DPP6: variants seen among roughly 807,000 people sequenced by gnomAD.
DPP6 encodes the protein A-type potassium channel modulatory protein DPP6.
A neutral mutation model predicts 122.6 loss-of-function variants in DPP6; 69 were observed. The observed-to-expected ratio is 0.56, with a 90% CI of 0.46 to 0.69. DPP6 has a LOEUF of 0.69. Among genes scored for constraint, DPP6 ranks in the 30% least tolerant of loss-of-function variants. DPP6 has a pLI of 0.00. For missense variants in DPP6, 928 were observed against 1,116.9 expected (o/e 0.83, Z 2.41); for synonymous variants, 418 against 433.1 (o/e 0.97, Z 0.43).
At chr7:153,953,959 C>T (rs1802338923) in intron 1 of DPP6, among the ~76,000 whole-genome samples, 1 of 152,182 alleles carries the variant, frequency 6.6e-6, no homozygotes, top group South Asian at 2.1e-4. Flanking sequence ...GGCAGCACTC[C>T]TTCCTTCCCA....
intron 1 of DPP6, among the ~76,000 whole-genome samples, chr7:154,044,231 G>A (rs1314889223): frequency 6.6e-6 from 1 of 152,160 alleles, no homozygotes; most frequent in Admixed American, 6.5e-5. Flanking sequence ...GATTTGAAAT[G>A]CAATTAGTAG....
chr7:154,581,887 TCTC>T (rs1832096271), intron 5 of DPP6, among the ~76,000 whole-genome samples: 1 of 152,130 alleles, frequency 6.6e-6, no homozygotes. Flanking sequence ...CCACCTGCCT[TCTC>T]CTGCTGCTAG....
intron 1 of DPP6, among the ~76,000 whole-genome samples, chr7:154,144,747 G>A (rs181742680): frequency 5.6e-4 from 85 of 152,116 alleles, no homozygotes; most frequent in Non-Finnish European, 9.7e-4. Flanking sequence ...ATAAGGATGG[G>A]GCCCTAATCC....
rs764606803 is a variant in DPP6, at chr7:154,807,094, T to C, written c.1648T>C (p.Phe550Leu). The change falls in exon 16 of 26, where the codon TTC becomes CTC. Residue 550 changes from phenylalanine (F) to leucine (L), a missense_variant. Physicochemically the swap from Phe to Leu is conservative, Grantham distance 22. Transcript: ENST00000377770. ...TTCCTTCAGCCATAGCATGGACTTC[T>C]TCCTGCTCAAGTGCGAAGGTCAGCT... ...SASFSHSMDF[F>L]LLKCEGPGVP... The C allele has an allele frequency of 5.6e-6, 9 of 1,613,414 alleles. No individual in the cohort carries two copies. The highest frequency in any genetic ancestry group is 7.6e-6 in the Non-Finnish European group (9 of 1,179,840).
chr7:154,030,658 C>CT (rs1357608957), intron 1 of DPP6, among the ~76,000 whole-genome samples: 1 of 152,160 alleles, frequency 6.6e-6, no homozygotes, highest in Non-Finnish European at 1.5e-5. Context: ...GTCCACGTTC[C>CT]TTTCCCAGCT....
Position 154,320,792 on chromosome 7 carries a change from G to A in DPP6, c.244-125422G>A, listed in dbSNP as rs556016992. Among the ~76,000 whole-genome samples the A allele has an allele frequency of 3.3e-5, 5 of 152,088 alleles. No individual in the cohort carries two copies. The East Asian group carries it at 9.7e-4, about 30-fold the overall frequency. ...TGAGCCACTGTGCCCGGCCCCTATT[G>A]TACTTCTGTTTGAACTTATATTGGC... On this transcript the variant is annotated intron_variant, in intron 1 of 25. Transcript: ENST00000377770.
intron 3 of DPP6, among the ~76,000 whole-genome samples, chr7:154,511,999 C>T (rs1370820044): frequency 6.6e-6 from 1 of 152,052 alleles, no homozygotes; most frequent in African/African-American, 2.4e-5. Flanking sequence ...TCTTTATGGA[C>T]CTGAAGCCTA....
chr7:154,615,363 G>T (rs1834172656), intron 5 of DPP6, among the ~76,000 whole-genome samples: 1 of 152,160 alleles, frequency 6.6e-6, no homozygotes, highest in African/African-American at 2.4e-5. Flanking sequence ...CAGCCCTACA[G>T]ATTAGGAAAT....
intron 3 of DPP6, among the ~76,000 whole-genome samples, chr7:154,527,408 G>A (rs1827490437): frequency 6.6e-6 from 1 of 152,196 alleles, no homozygotes; most frequent in South Asian, 2.1e-4. Flanking sequence ...CTAGACTGCA[G>A]TGTGGATACT....
At chr7:154,633,634 A>G (rs531678854) in intron 5 of DPP6, among the ~76,000 whole-genome samples, 2 of 152,254 alleles carry the variant, frequency 1.3e-5, no homozygotes, top group East Asian at 1.9e-4. Flanking sequence ...TTTCAGTGAG[A>G]TGCAGCTTTC....
intron 8 of DPP6, among the ~76,000 whole-genome samples, chr7:154,750,748 A>G (rs1401401961): frequency 6.6e-6 from 1 of 152,224 alleles, no homozygotes; most frequent in Non-Finnish European, 1.5e-5. Context: ...TGCTGGAGCA[A>G]GCGTGGTCCC....
chr7:154,769,002 A>G (rs1796073935), intron 8 of DPP6, among the ~76,000 whole-genome samples: 1 of 152,190 alleles, frequency 6.6e-6, no homozygotes, highest in African/African-American at 2.4e-5. Context: ...TTCCGTCTGC[A>G]TGGGACACGC....
intron 3 of DPP6, among the ~76,000 whole-genome samples, chr7:154,504,482 A>G (rs1327612296): frequency 6.6e-6 from 1 of 152,168 alleles, no homozygotes; most frequent in Non-Finnish European, 1.5e-5. Context: ...GCCAAAGCCA[A>G]GAGCCTCAAT....
chr7:154,062,297 C>T (rs1220349061), intron 1 of DPP6, among the ~76,000 whole-genome samples: 1 of 79,964 alleles, frequency 1.3e-5, no homozygotes, highest in Non-Finnish European at 2.5e-5. Context: ...CCTCTTCCCC[C>T]CCGGCTCTGA....
At chr7:154,743,543 G>T (rs1037835582) in intron 8 of DPP6, among the ~76,000 whole-genome samples, 1 of 152,210 alleles carries the variant, frequency 6.6e-6, no homozygotes, top group Non-Finnish European at 1.5e-5. Flanking sequence ...TCGTTAAGCT[G>T]CTCAAATGCC....
chr7:153,772,706 A>T, the DPP6 span, among the ~76,000 whole-genome samples: 2 of 149,510 alleles, frequency 1.3e-5, no homozygotes, highest in African/African-American at 2.4e-5. Flanking sequence ...AAAAAACTAT[A>T]AGCTCTTTTT....
chr7:154,739,008 C>T (rs546641233), intron 8 of DPP6, among the ~76,000 whole-genome samples: 9 of 152,326 alleles, frequency 5.9e-5, no homozygotes, highest in East Asian at 5.8e-4. Flanking sequence ...CTTTCCCTCA[C>T]GGTCACTCAA....
chr7:153,767,446 C>A, the DPP6 span, among the ~76,000 whole-genome samples: 3 of 152,040 alleles, frequency 2.0e-5, no homozygotes, highest in African/African-American at 4.8e-5. Context: ...CGGCTCACTG[C>A]AACCTCTGTC....
chr7:153,861,226 C>T, the DPP6 span, among the ~76,000 whole-genome samples: 1 of 152,010 alleles, frequency 6.6e-6, no homozygotes, highest in Admixed American at 6.6e-5. Flanking sequence ...TATCACAAAC[C>T]ATAAACATAT....
Sources: allele counts gnomAD v4.1 joint callset (sites outside exome capture counted in the v4.1 genomes callset), GRCh38; gene constraint gnomAD v4.1.1; transcripts MANE v1.5; gene names NCBI Gene and HGNC (gene_info 2026-07-23, HGNC 2026-07-21).